MYO16: variants seen among roughly 807,000 people sequenced by gnomAD.
The protein encoded by MYO16 is myosin XVI.
Under a neutral mutation model 205.3 loss-of-function variants are expected in MYO16, and 94 were observed. That is an observed-to-expected ratio of 0.46 (90% CI 0.39 to 0.54). The LOEUF (loss-of-function observed/expected upper bound fraction) is 0.54, where lower values mean the gene tolerates loss of function less well. Among genes scored for constraint, MYO16 ranks in the 20% least tolerant of loss-of-function variants. MYO16 has a pLI of 0.00. For synonymous variants in MYO16, 988 were observed against 954.0 expected, an observed-to-expected ratio of 1.04 and a Z score of -0.66; for missense variants, 2,315 against 2,387.5, an observed-to-expected ratio of 0.97 and a Z score of 0.63.
intron 32 of MYO16, among the ~76,000 whole-genome samples, chr13:109,146,420 C>T (rs1249125382): frequency 2.0e-5 from 3 of 152,094 alleles, no homozygotes; most frequent in African/African-American, 7.2e-5. Context: ...TTCTCTGTGG[C>T]CCATCCTATT....
intron 6 of MYO16, among the ~76,000 whole-genome samples, chr13:108,795,064 CT>C (rs1414851768): frequency 1.3e-5 from 2 of 151,942 alleles, no homozygotes; most frequent in Non-Finnish European, 2.9e-5. Context: ...TTTCTTATGA[CT>C]TAGAGTTACG....
chr13:109,066,909 C>T (rs1472285901), intron 27 of MYO16, among the ~76,000 whole-genome samples: 1 of 152,166 alleles, frequency 6.6e-6, no homozygotes, highest in Non-Finnish European at 1.5e-5. Context: ...GGCAACTTGG[C>T]TGTTTCGTTT....
chr13:108,524,621 AT>A, the MYO16 span, among the ~76,000 whole-genome samples: 2 of 152,260 alleles, frequency 1.3e-5, no homozygotes, highest in South Asian at 4.1e-4. Context: ...GTGCTTTCTC[AT>A]TTCTGTGTCT....
At chr13:108,894,299 A>G (rs1461669942) in intron 14 of MYO16, among the ~76,000 whole-genome samples, 1 of 152,192 alleles carries the variant, frequency 6.6e-6, no homozygotes, top group Non-Finnish European at 1.5e-5. Context: ...AAACCATATC[A>G]GTGAGGATGT....
At chr13:109,002,139 G>C (rs984011279) in intron 21 of MYO16, among the ~76,000 whole-genome samples, 1 of 152,042 alleles carries the variant, frequency 6.6e-6, no homozygotes, top group South Asian at 2.1e-4. Flanking sequence ...ATTGGTTTGG[G>C]GTCAGGCCCA....
At chr13:109,026,701 C>T (rs1401460995) in intron 23 of MYO16, among the ~76,000 whole-genome samples, 4 of 152,142 alleles carry the variant, frequency 2.6e-5, no homozygotes, top group African/African-American at 9.7e-5. Context: ...CAGGTTTTTG[C>T]ACGTGGTTTT....
chr13:108,587,592 A>G, the MYO16 span, among the ~76,000 whole-genome samples: 6 of 152,320 alleles, frequency 3.9e-5, no homozygotes, highest in South Asian at 1.2e-3. Context: ...ATTGAGATTG[A>G]CAAGGTATAT....
chr13:108,763,868 C>A (rs1413680193), intron 4 of MYO16, among the ~76,000 whole-genome samples: 2 of 151,124 alleles, frequency 1.3e-5, no homozygotes, highest in Non-Finnish European at 2.9e-5. Flanking sequence ...ATCAGATTAA[C>A]CCATGGAAAT....
intron 32 of MYO16, among the ~76,000 whole-genome samples, chr13:109,153,222 G>A (rs989972638): frequency 2.0e-5 from 3 of 152,048 alleles, no homozygotes; most frequent in Admixed American, 2.0e-4. Context: ...CTACAGGGGA[G>A]GATTTATACG....
At chr13:108,536,059 G>A in the MYO16 span, among the ~76,000 whole-genome samples, 31 of 152,088 alleles carry the variant, frequency 2.0e-4, no homozygotes, top group African/African-American at 7.5e-4. Flanking sequence ...ACGTGTGTGA[G>A]TGTGCTTACT....
chr13:108,881,654 A>C (rs1879624721), intron 12 of MYO16, among the ~76,000 whole-genome samples: 1 of 152,254 alleles, frequency 6.6e-6, no homozygotes, highest in Non-Finnish European at 1.5e-5. Flanking sequence ...CTCATGCACA[A>C]GCTTCAGTAG....
At chr13:109,011,115 A>C (rs983549163) in intron 22 of MYO16, among the ~76,000 whole-genome samples, 3 of 151,820 alleles carry the variant, frequency 2.0e-5, no homozygotes, top group African/African-American at 7.3e-5. Context: ...TCCTTTATCT[A>C]AAAACACTTT....
intron 23 of MYO16, among the ~76,000 whole-genome samples, chr13:109,044,450 C>A (rs1886975879): frequency 6.6e-6 from 1 of 151,990 alleles, no homozygotes; most frequent in South Asian, 2.1e-4. Flanking sequence ...TGGATGAGAT[C>A]TTTAGTAAAT....
chr13:108,939,666 T>A (rs887672805), intron 16 of MYO16, among the ~76,000 whole-genome samples: 1 of 152,224 alleles, frequency 6.6e-6, no homozygotes, highest in Non-Finnish European at 1.5e-5. Context: ...TTTCTTCTTA[T>A]TTGAGAATAT....
chr13:108,857,402 C>T (rs196161), intron 11 of MYO16, among the ~76,000 whole-genome samples: 21,525 of 152,144 alleles, frequency 0.14, 1,684 homozygotes, highest in East Asian at 0.28. Context: ...AGTGTTCTAA[C>T]GTACCTTCTC....
At chr13:108,563,394 CCCT>C in the MYO16 span, among the ~76,000 whole-genome samples, 3 of 151,912 alleles carry the variant, frequency 2.0e-5, no homozygotes, top group Non-Finnish European at 4.4e-5. Context: ...ACTGTAGTCC[CCCT>C]ATTAGGTGAT....
chr13:108,752,128 T>C (rs917223087), intron 4 of MYO16, among the ~76,000 whole-genome samples: 11 of 152,212 alleles, frequency 7.2e-5, no homozygotes, highest in Non-Finnish European at 5.9e-5. Context: ...TCACAATTTC[T>C]TTTCAAGTTT....
intron 27 of MYO16, among the ~76,000 whole-genome samples, chr13:109,074,569 C>T (rs1189166056): frequency 2.0e-5 from 3 of 152,094 alleles, no homozygotes; most frequent in Non-Finnish European, 4.4e-5. Context: ...CATGGGGGAA[C>T]ATCCACACTT....
chr13:109,120,534 C>A (rs949179991), intron 29 of MYO16, 68 bp downstream of exon 29: 3 of 1,235,912 alleles, frequency 2.4e-6, no homozygotes, highest in Non-Finnish European at 3.5e-6. Flanking sequence ...TTAGTGCATC[C>A]CCAAGTTTAA....
Sources: gnomAD v4.1 joint callset for allele counts (sites outside exome capture counted in the v4.1 genomes callset) on GRCh38, gnomAD v4.1.1 for gene constraint, MANE v1.5 for transcripts, NCBI Gene and HGNC (gene_info 2026-07-23, HGNC 2026-07-21) for gene names.